The following HKDC1 variants were observed in gnomAD, a reference collection of about 807,000 sequenced individuals.
HKDC1 encodes hexokinase domain containing 1, also known as hexokinase HKDC1.
A neutral mutation model predicts 96.6 loss-of-function variants in HKDC1; 66 were observed. The observed-to-expected ratio is 0.68, with a 90% CI of 0.56 to 0.84. HKDC1 has a LOEUF of 0.84. Among genes scored for constraint, HKDC1 ranks in the 40% least tolerant of loss-of-function variants. The pLI is 0.00. For missense variants in HKDC1, 1,211 were observed against 1,208.1 expected (o/e 1.00, Z -0.04); for synonymous variants, 466 against 473.1 (o/e 0.98, Z 0.20).
chr10:69,241,920 A>G (rs1007219587), intron 6 of HKDC1, among the ~76,000 whole-genome samples: 2 of 152,164 alleles, frequency 1.3e-5, no homozygotes, highest in Non-Finnish European at 2.9e-5. Context: ...TGGACCAGAG[A>G]GGTCGTGGTG....
chr10:69,250,986 C>T (rs555629101), intron 12 of HKDC1, among the ~76,000 whole-genome samples: 77 of 151,700 alleles, frequency 5.1e-4, no homozygotes, highest in Non-Finnish European at 6.5e-4. Flanking sequence ...GGCAGTAATA[C>T]GATCTGTGTC....
intron 1 of HKDC1, among the ~76,000 whole-genome samples, chr10:69,226,967 T>G (rs9645500): frequency 0.59 from 89,150 of 152,008 alleles, 27,137 homozygotes; most frequent in Non-Finnish European, 0.67. Flanking sequence ...TCTCCTCAGA[T>G]TCTGCCCTTC....
At chr10:69,237,366 AAG>A (rs202118393) in intron 4 of HKDC1, among the ~76,000 whole-genome samples, 3 of 151,658 alleles carry the variant, frequency 2.0e-5, no homozygotes, top group Non-Finnish European at 2.9e-5. Context: ...GGTTTAAAAA[AAG>A]AGAGAGAGAA....
chr10:69,243,465 A>C, intron 7 of HKDC1, 100 bp downstream of exon 7: 1 of 919,158 alleles, frequency 1.1e-6, no homozygotes, highest in Non-Finnish European at 1.6e-6. Flanking sequence ...GTGACTAGCT[A>C]TCCATCACAA....
At chr10:69,256,951 A>T in intron 12 of HKDC1, 85 bp from the exon 13 acceptor site, 1 of 999,484 alleles carries the variant, frequency 1.0e-6, no homozygotes, top group East Asian at 2.4e-5. Flanking sequence ...AGCCAGCTAT[A>T]GTGCTTTGCA....
At chr10:69,229,931 C>T (rs915966375) in intron 2 of HKDC1, among the ~76,000 whole-genome samples, 11 of 152,164 alleles carry the variant, frequency 7.2e-5, no homozygotes, top group Admixed American at 3.3e-4. Flanking sequence ...AAAATCTTGT[C>T]CCAAGTCCTC....
At chr10:69,253,266 T>G (rs771448141) in intron 12 of HKDC1, among the ~76,000 whole-genome samples, 1 of 152,114 alleles carries the variant, frequency 6.6e-6, no homozygotes, top group Non-Finnish European at 1.5e-5. Flanking sequence ...TGAGTGAGGC[T>G]GGGCCTTTGC....
intron 1 of HKDC1, among the ~76,000 whole-genome samples, chr10:69,223,551 G>A (rs569320467): frequency 1.3e-5 from 2 of 149,224 alleles, no homozygotes; most frequent in South Asian, 2.1e-4. Context: ...CGAATATCCA[G>A]AGTTGTGTAA....
rs1223675914 is a variant in HKDC1 at position 69,248,628 on chromosome 10, G to T, written c.1470G>T (p.Lys490Asn). ...TREQLVDVQAKMRAELEYGLK... is the reference protein window; with the variant it reads ...TREQLVDVQANMRAELEYGLK... ...AGCAGCTCGTGGACGTGCAGGCCAA[G>T]ATGCGGGCTGAGCTGGAGTATGGGC... The change falls in exon 10 of 18, where the codon AAG (lysine) becomes AAT (asparagine). Residue 490 changes from lysine to asparagine, a missense_variant. Transcript: ENST00000354624. 6.2e-7 allele frequency: 1 copy of T among 1,614,186 alleles called. No homozygotes were observed. The highest frequency in any genetic ancestry group is 1.1e-5 in the South Asian group (1 of 91,082).
In HKDC1 at chr10:69,257,122, G is replaced by A. The variant is rs1843729873; in HGVS notation, c.1923G>A (p.Lys641=). 2.5e-6 allele frequency: 4 copies of A among 1,613,882 alleles called. No individual in the cohort carries two copies. The highest frequency in any genetic ancestry group is 2.2e-5 in the South Asian group (2 of 91,080). The change falls in exon 13 of 18, where the codon AAG becomes AAA. Residue 641 remains lysine (K), a synonymous_variant. Coordinates refer to ENST00000354624, the MANE Select transcript of HKDC1 (RefSeq NM_025130.4). ...DVVDMLREAI[K]RRNEFDLDIV... ...TGGACATGCTCAGGGAAGCCATCAA[G>A]AGGAGAAACGTAGGATGTGGTGTTG...
At chr10:69,241,957 C>G (rs1175290728) in intron 6 of HKDC1, among the ~76,000 whole-genome samples, 5 of 152,110 alleles carry the variant, frequency 3.3e-5, no homozygotes, top group Non-Finnish European at 7.4e-5. Context: ...TGGGTGGTCT[C>G]CACACCAGAG....
In HKDC1 at chr10:69,258,819, C is replaced by G. The variant is rs769882307; in HGVS notation, c.2076C>G (p.Ile692Met). ...GCTACATGGAGGACATGAGGAACATCGAGATGGTGGAGGGGGGTGAAGGGA... is the reference window on the plus strand; with the variant it reads ...GCTACATGGAGGACATGAGGAACATGGAGATGGTGGAGGGGGGTGAAGGGA... ...NMCYMEDMRN[I>M]EMVEGGEGKM... Residue 692 changes from isoleucine (I) to methionine (M), a missense_variant, in exon 15 of 18, where the codon ATC (isoleucine) becomes ATG (methionine). Physicochemically the swap from Ile to Met is conservative, Grantham distance 10. Transcript: ENST00000354624. The G allele has an allele frequency of 6.2e-7, 1 of 1,613,912 alleles. No individual in the cohort carries two copies.
chr10:69,227,090 C>A, intron 1 of HKDC1, 117 bp from the exon 2 acceptor site: 1 of 1,167,394 alleles, frequency 8.6e-7, no homozygotes, highest in East Asian at 2.4e-5. Context: ...GAATCCACAT[C>A]TCAATGCTGT....
intron 2 of HKDC1, among the ~76,000 whole-genome samples, 159 bp downstream of exon 2, chr10:69,227,528 T>G (rs1031080888): frequency 1.5e-5 from 2 of 137,694 alleles, no homozygotes; most frequent in Admixed American, 7.2e-5. Flanking sequence ...GCTGAATCCC[T>G]CTTGCAGTTC....
intron 1 of HKDC1, among the ~76,000 whole-genome samples, chr10:69,225,184 C>A (rs1026927536): frequency 5.9e-5 from 9 of 152,150 alleles, no homozygotes; most frequent in African/African-American, 2.2e-4. Context: ...ACTTACATGG[C>A]AGGGATAACA....
In HKDC1 at chr10:69,248,720, A is replaced by ACGGCACAGGTGGGC; in HGVS notation, c.1564_1570+7dup. The ACGGCACAGGTGGGC allele has an allele frequency of 6.2e-7, 1 of 1,605,636 alleles. No homozygotes were observed. Among genetic ancestry groups the ACGGCACAGGTGGGC allele is most frequent in the Non-Finnish European group, 8.5e-7 (1 of 1,174,660 alleles). On this transcript the variant is annotated frameshift_variant, in exon 10 of 18. Transcript: ENST00000354624. LOFTEE classifies it high-confidence loss of function. ...CCCACCTACGTCTGCGGGCTGCCGG[A>ACGGCACAGGTGGGC]CGGCACAGGTGGGCCAGCACAGCCT...
At chr10:69,242,979 G>A (rs1047025402) in intron 6 of HKDC1, among the ~76,000 whole-genome samples, 1 of 152,222 alleles carries the variant, frequency 6.6e-6, no homozygotes, top group Non-Finnish European at 1.5e-5. Context: ...TGAGCACCCT[G>A]AGAAGTGCAG....
At chr10:69,262,334 A>G (rs1361855790) in intron 16 of HKDC1, among the ~76,000 whole-genome samples, 3 of 152,164 alleles carry the variant, frequency 2.0e-5, no homozygotes, top group Non-Finnish European at 4.4e-5. Context: ...TTTAGTACAC[A>G]TAGTCATTTG....
intron 4 of HKDC1, among the ~76,000 whole-genome samples, chr10:69,236,373 G>A (rs1201261335): frequency 1.3e-5 from 2 of 151,820 alleles, no homozygotes; most frequent in African/African-American, 4.8e-5. Flanking sequence ...CTCCCAAAGT[G>A]CTGGGATTGC....
Sources: gnomAD v4.1 joint callset for allele counts (sites outside exome capture counted in the v4.1 genomes callset) on GRCh38, gnomAD v4.1.1 for gene constraint, MANE v1.5 for transcripts, NCBI Gene and HGNC (gene_info 2026-07-23, HGNC 2026-07-21) for gene names.